Variants in BNIPL observed in about 807,000 individuals in gnomAD.
The protein encoded by BNIPL is bcl-2/adenovirus E1B 19 kDa-interacting protein 2-like protein.
BNIPL carries 33 observed loss-of-function variants against 47.0 expected under a neutral mutation model. The observed-to-expected ratio is 0.70, with a 90% confidence interval of 0.53 to 0.94. The LOEUF (loss-of-function observed/expected upper bound fraction) is 0.94. BNIPL is among the 40% of genes least tolerant of loss of function. BNIPL has a pLI of 0.00. For synonymous variants in BNIPL, 145 were observed against 162.7 expected (o/e 0.89, Z 0.83); for missense variants, 404 against 445.2 (o/e 0.91, Z 0.83).
Position 151,046,635 on chromosome 1 carries a change from CCT to C in BNIPL, c.1038-12_1038-11del, listed in dbSNP as rs771214390. On this transcript the variant is annotated splice_polypyrimidine_tract_variant and intron_variant, in intron 9 of 9. Transcript: ENST00000368931. ...CCCCCTGAACCACTTCTCTCCTCCC[CCT>C]CTCCCTCTCCTAGGCTGGACCGGGA... The C allele has an allele frequency of 6.3e-7, 1 of 1,597,440 alleles. No individual in the cohort carries two copies. Among genetic ancestry groups the C allele is most frequent in the South Asian group, 1.1e-5 (1 of 90,744 alleles).
At chr1:151,036,838 G>C (rs377437563) in intron 1 of BNIPL, 72 bp downstream of exon 1, 4 of 1,436,334 alleles carry the variant, frequency 2.8e-6, no homozygotes, top group Non-Finnish European at 2.9e-6. Flanking sequence ...CCACCACCCA[G>C]CTCTTACTGG....
chr1:151,036,876 A>G, intron 1 of BNIPL, 110 bp downstream of exon 1: 1 of 1,093,360 alleles, frequency 9.1e-7, no homozygotes, highest in Non-Finnish European at 1.4e-6. Flanking sequence ...TCAAGGAGAC[A>G]AGACTGTAAG....
chr1:151,037,343 G>T, intron 1 of BNIPL: 1 of 1,257,502 alleles, frequency 8.0e-7, no homozygotes, highest in Non-Finnish European at 1.0e-6. Context: ...AGGTAAATAT[G>T]ATTAACTTTA....
At position 151,046,165 on chromosome 1, in the gene BNIPL, A is replaced by C; in HGVS notation, c.1037A>C (p.Gln346Pro). Residue 346 changes from glutamine (Q) to proline (P), a missense_variant and splice_region_variant, in exon 9 of 10, where the codon CAG becomes CCG. Coordinates refer to ENST00000368931, the MANE Select transcript of BNIPL (RefSeq NM_138278.4). Reference sequence around the variant, plus strand: ...GTCCACATCCCTGAAGCTGTCAGACAGTGAGTTTCACACTTAAGAATAAAG... The same window carrying C: ...GTCCACATCCCTGAAGCTGTCAGACCGTGAGTTTCACACTTAAGAATAAAG... ...DQVHIPEAVR[Q>P]LDRDLHGSGG... 1 of 1,614,144 alleles carries C rather than the reference A, an allele frequency of 6.2e-7. No homozygotes were observed. The highest frequency in any genetic ancestry group is 8.5e-7 in the Non-Finnish European group (1 of 1,179,998).
At chr1:151,045,775 A>G (rs1675999061) in intron 7 of BNIPL, 22 bp from the exon 8 acceptor site, 1 of 1,613,932 alleles carries the variant, frequency 6.2e-7, no homozygotes, top group Admixed American at 1.7e-5. Context: ...AAGAAATAGG[A>G]TGATCTCATG....
rs587625921 is a variant in BNIPL, at chr1:151,046,060, T to C, written c.939-7T>C. 14 of 1,614,170 alleles carry C rather than the reference T, an allele frequency of 8.7e-6. No individual in the cohort carries two copies. Among genetic ancestry groups the C allele is most frequent in the Middle Eastern group, 1.6e-4 (1 of 6,062 alleles). On this transcript the variant is annotated splice_region_variant and splice_polypyrimidine_tract_variant and intron_variant, in intron 8 of 9. Coordinates refer to ENST00000368931, the MANE Select transcript of BNIPL (RefSeq NM_138278.4). ...CAAAACACAGTTGATTTATTCTCTC[T>C]TTTCAGTTCCAAATTCACACGAAAA...
chr1:151,042,850 T>G, intron 4 of BNIPL, 106 bp from the exon 5 acceptor site: 1 of 910,254 alleles, frequency 1.1e-6, no homozygotes, highest in Non-Finnish European at 1.6e-6. Flanking sequence ...AAGGAAAAAA[T>G]TGAGTAATGA....
chr1:151,038,383 A>AT, intron 2 of BNIPL, 121 bp from the exon 3 acceptor site: 1 of 789,672 alleles, frequency 1.3e-6, no homozygotes, highest in South Asian at 1.6e-5. Context: ...CAAAAAAACA[A>AT]TTAAAAAAAA....
At position 151,045,792 on chromosome 1, in the gene BNIPL, T is replaced by C; in HGVS notation, c.852-5T>C. On this transcript the variant is annotated splice_region_variant and splice_polypyrimidine_tract_variant and intron_variant, in intron 7 of 9. Transcript: ENST00000368931. ...GAAATAGGATGATCTCATGTTGTTT[T>C]TCAGGCTACGGAAAAACCTGCGAGC... 2 of 1,614,140 alleles carry C rather than the reference T, an allele frequency of 1.2e-6. No individual in the cohort carries two copies. Among genetic ancestry groups the C allele is most frequent in the Non-Finnish European group, 1.7e-6 (2 of 1,180,028 alleles).
At chr1:151,046,040 C>G in intron 8 of BNIPL, 27 bp from the exon 9 acceptor site, 1 of 1,614,050 alleles carries the variant, frequency 6.2e-7, no homozygotes, top group Non-Finnish European at 8.5e-7. Context: ...CAATACAAAA[C>G]ACAGTTGATT....
chr1:151,045,216 C>T (rs587747699), intron 7 of BNIPL, among the ~76,000 whole-genome samples: 1 of 133,260 alleles, frequency 7.5e-6, no homozygotes, highest in Non-Finnish European at 1.5e-5. Context: ...TTGCAGTGAG[C>T]CGAGATCGAG....
intron 2 of BNIPL, among the ~76,000 whole-genome samples, chr1:151,038,209 T>C (rs1324745878): frequency 6.6e-6 from 1 of 151,066 alleles, no homozygotes; most frequent in Non-Finnish European, 1.5e-5. Context: ...ACCCCATCTC[T>C]ACAAAAATAC....
chr1:151,044,930 A>G, intron 7 of BNIPL: 1 of 1,290,582 alleles, frequency 7.7e-7, no homozygotes. Flanking sequence ...ATGCAAAAGG[A>G]ACTTACGCGA....
chr1:151,038,073 A>T (rs1365867755), intron 2 of BNIPL, among the ~76,000 whole-genome samples: 1 of 147,796 alleles, frequency 6.8e-6, no homozygotes, highest in Non-Finnish European at 1.5e-5. Context: ...GAAGGAAAAA[A>T]ATGGGAAAAA....
chr1:151,039,119 A>C, intron 4 of BNIPL, 93 bp downstream of exon 4: 1 of 1,364,722 alleles, frequency 7.3e-7, no homozygotes, highest in South Asian at 2.3e-5. Flanking sequence ...TAGAACTAAT[A>C]AGGTGGGACC....
chr1:151,045,534 A>G, intron 7 of BNIPL: 1 of 406,038 alleles, frequency 2.5e-6, no homozygotes. Context: ...ACTCCAGCCC[A>G]GGCGACAGAG....
chr1:151,038,514 G>A lies in BNIPL; in HGVS notation c.148G>A (p.Glu50Lys), dbSNP rs778147472. 3.7e-6 allele frequency: 6 copies of A among 1,613,240 alleles called. No homozygotes were observed. The East Asian group carries it at 1.3e-4, about 36-fold the overall frequency. ...TCTCTTCCCCTCTAGATTGCTTCCTGAGGAGGCTGGCACTTCTGAAGATCC... is the reference window on the plus strand; with the variant it reads ...TCTCTTCCCCTCTAGATTGCTTCCTAAGGAGGCTGGCACTTCTGAAGATCC... ...QDEEFPRLLP[E>K]EAGTSEDPED... Residue 50 changes from glutamate (E) to lysine (K), a missense_variant, in exon 3 of 10, where the codon GAG (glutamate) becomes AAG (lysine). Transcript: ENST00000368931.
Position 151,037,321 on chromosome 1 carries a change from C to T in BNIPL, c.42-246C>T, listed in dbSNP as rs1436358264. 7 of 1,174,708 alleles carry T rather than the reference C, an allele frequency of 6.0e-6. No homozygotes were observed. In the African/African-American group the frequency reaches 6.3e-5, roughly 11 times the overall value. 72.8% of individuals were successfully genotyped at this position (1,174,708 alleles called of 1,614,324 possible). On this transcript the variant is annotated intron_variant, in intron 1 of 9. Transcript: ENST00000368931. ...TCTCACCCCAACTTTGTAGGTGGAGCAACTGCTACAGAGGTAAATATGATT... is the reference window on the plus strand; with the variant it reads ...TCTCACCCCAACTTTGTAGGTGGAGTAACTGCTACAGAGGTAAATATGATT...
Position 151,046,805 on chromosome 1 carries a change from T to G in BNIPL, c.*118T>G, listed in dbSNP as rs1456064640. ...CCCCAACCTCAGTACCACCGGATCTTCACTTCTCAGTGGGATTTTGTCCTT... is the reference window on the plus strand; with the variant it reads ...CCCCAACCTCAGTACCACCGGATCTGCACTTCTCAGTGGGATTTTGTCCTT... On this transcript the variant is annotated 3_prime_UTR_variant, in exon 10 of 10. Coordinates refer to ENST00000368931, the MANE Select transcript of BNIPL (RefSeq NM_138278.4). The G allele has an allele frequency of 6.5e-6, 5 of 765,224 alleles. No homozygotes were observed. Among genetic ancestry groups the G allele is most frequent in the Non-Finnish European group, 1.0e-5 (5 of 487,968 alleles). The allele number at this position is 765,224 out of a possible 1,614,324, so 47.4% of individuals were successfully genotyped here.
Sources: allele counts gnomAD v4.1 joint callset (sites outside exome capture counted in the v4.1 genomes callset), GRCh38; gene constraint gnomAD v4.1.1; transcripts MANE v1.5; gene names NCBI Gene and HGNC (gene_info 2026-07-23, HGNC 2026-07-21).